The following WNK3 variants were observed in gnomAD, a reference collection of about 807,000 sequenced individuals.
The protein encoded by WNK3 is serine/threonine-protein kinase WNK3.
WNK3 carries 18 observed loss-of-function variants against 116.7 expected under a neutral mutation model. That is an observed-to-expected ratio of 0.15 (90% confidence interval 0.11 to 0.23). The LOEUF (loss-of-function observed/expected upper bound fraction) is 0.23. Among genes scored for constraint, WNK3 ranks in the 10% least tolerant of loss-of-function variants. WNK3 has a pLI of 1.00. For synonymous variants in WNK3, 404 were observed against 469.4 expected, an observed-to-expected ratio of 0.86 and a Z score of 1.80; for missense variants, 993 against 1,323.8, an observed-to-expected ratio of 0.75 and a Z score of 3.88.
intron 22 of WNK3, among the ~76,000 whole-genome samples, chrX:54,217,053 C>G (rs1557145497): frequency 1.8e-5 from 2 of 110,912 alleles, no homozygotes; most frequent in Admixed American, 9.6e-5. Context: ...GGCACGGTGG[C>G]TCACGCCTGT....
intron 17 of WNK3, among the ~76,000 whole-genome samples, chrX:54,247,068 A>T (rs1240035643): frequency 8.9e-6 from 1 of 111,886 alleles, no homozygotes; most frequent in Non-Finnish European, 1.9e-5. Context: ...AAGAATACCA[A>T]ATAGGATACT....
chrX:54,283,401 C>T (rs1201725356), intron 10 of WNK3, among the ~76,000 whole-genome samples: 1 of 111,994 alleles, frequency 8.9e-6, no homozygotes, highest in Admixed American at 9.5e-5. Flanking sequence ...TGCTCAACAT[C>T]ATTAGTCTTC....
chrX:54,315,926 A>G (rs1166407245), intron 2 of WNK3, among the ~76,000 whole-genome samples: 1 of 110,709 alleles, frequency 9.0e-6, no homozygotes, highest in African/African-American at 3.3e-5. Flanking sequence ...TTTGCTCCTT[A>G]TTCTCCTAGA....
At chrX:54,285,077 T>G (rs1455370766) in intron 10 of WNK3, among the ~76,000 whole-genome samples, 2 of 111,431 alleles carry the variant, frequency 1.8e-5, no homozygotes, top group Admixed American at 9.6e-5. Context: ...ATTGTTCCAT[T>G]TATATGAAGG....
chrX:54,316,776 A>G (rs1352692235), intron 2 of WNK3, among the ~76,000 whole-genome samples: 1 of 110,947 alleles, frequency 9.0e-6, no homozygotes, highest in Non-Finnish European at 1.9e-5. Flanking sequence ...ATCTAAGTAA[A>G]TAAATATATA....
intron 1 of WNK3, among the ~76,000 whole-genome samples, chrX:54,336,870 C>T (rs1450252797): frequency 9.0e-6 from 1 of 111,040 alleles, no homozygotes; most frequent in Non-Finnish European, 1.9e-5. Context: ...CAAAAATTTG[C>T]CAACCAGATG....
chrX:54,292,817 T>C, intron 10 of WNK3, 71 bp downstream of exon 10: 2 of 1,056,581 alleles, frequency 1.9e-6, no homozygotes, highest in Non-Finnish European at 2.6e-6. Context: ...AAGAGAACTT[T>C]TGCCTGTCAG....
rs184005262 is a variant in WNK3, at chrX:54,252,932, C to A, written c.2367+1027G>T. 3.9e-4 allele frequency among the ~76,000 whole-genome samples: 42 copies of A among 108,604 alleles called. No homozygotes were observed. The Admixed American group carries it at 4.1e-3, about 11-fold the overall frequency. The allele number at this position is 108,604 out of a possible 115,157, so 94.3% of individuals were successfully genotyped here. On this transcript the variant is annotated intron_variant, in intron 13 of 23. Transcript: ENST00000354646. ...AAAAAAGGGGAAGATGGAAAAGTAA[C>A]CTAGAAAATAATAAAAAAAAATAAT...
intron 7 of WNK3, among the ~76,000 whole-genome samples, chrX:54,296,148 G>A (rs782421423): frequency 8.9e-5 from 10 of 111,922 alleles, no homozygotes; most frequent in Non-Finnish European, 1.9e-4. Flanking sequence ...AGTGAGAGAA[G>A]AAAAGGTTCT....
intron 12 of WNK3, 23 bp downstream of exon 12, chrX:54,255,717 C>T: frequency 8.3e-7 from 1 of 1,201,327 alleles, no homozygotes; most frequent in East Asian, 3.0e-5. Context: ...GTACTCTTAA[C>T]CAAACCATAT....
chrX:54,338,574 TC>T lies in WNK3; in HGVS notation c.-119-4783del, dbSNP rs200025568. Among the ~76,000 whole-genome samples the T allele has an allele frequency of 7.5e-4, 82 of 108,674 alleles. 1 individual carries two copies. In the East Asian group the frequency reaches 0.022, roughly 30 times the overall value. The allele number at this position is 108,674 out of a possible 115,157, so 94.4% of individuals were successfully genotyped here. On this transcript the variant is annotated intron_variant, in intron 1 of 23. Coordinates refer to ENST00000354646, the Ensembl canonical transcript of WNK3. The stretch of plus-strand genomic sequence containing the variant: ...CTGGGTGACAGAGTGAGACTCTGTC[TC>T]AAAAAAAATTAATTAATTAAAATAA...
At chrX:54,222,929 TATATATATATAA>T (rs1557146918) in intron 22 of WNK3, among the ~76,000 whole-genome samples, 2 of 95,204 alleles carry the variant, frequency 2.1e-5, no homozygotes, top group African/African-American at 8.2e-5. Flanking sequence ...TATATATATA[TATATATATATAA>T]AAAAAGACAC....
At position 54,338,685 on chromosome X, in the gene WNK3, T is replaced by G. The variant is rs188577096; in HGVS notation, c.-119-4893A>C. Among the ~76,000 whole-genome samples, 386 of 110,159 alleles carry G rather than the reference T, an allele frequency of 3.5e-3. 2 individuals carry two copies. The highest frequency in any genetic ancestry group is 0.012 in the African/African-American group (359 of 30,297). On this transcript the variant is annotated intron_variant, in intron 1 of 23. Coordinates refer to ENST00000354646, the Ensembl canonical transcript of WNK3. Reference sequence around the variant, plus strand: ...GCTCTGGTATAATAATTCTAACACCTGGCTTCCCAAAGTATAGGATAAGAA... The same window carrying G: ...GCTCTGGTATAATAATTCTAACACCGGGCTTCCCAAAGTATAGGATAAGAA...
At chrX:54,224,595 A>T (rs1188674937) in intron 22 of WNK3, among the ~76,000 whole-genome samples, 2 of 105,176 alleles carry the variant, frequency 1.9e-5, no homozygotes, top group African/African-American at 7.5e-5. Flanking sequence ...TTTGAGATGG[A>T]GTCTCGCTCT....
chrX:54,353,799 T>C (rs1270531091), intron 1 of WNK3, among the ~76,000 whole-genome samples: 1 of 109,233 alleles, frequency 9.2e-6, no homozygotes, highest in Non-Finnish European at 1.9e-5. Flanking sequence ...CTTCATTTCT[T>C]TCAGCCAGGC....
chrX:54,332,843 TGA>T (rs1361863997), intron 2 of WNK3, among the ~76,000 whole-genome samples: 1 of 98,786 alleles, frequency 1.0e-5, no homozygotes, highest in Non-Finnish European at 2.0e-5. Flanking sequence ...CCAGCCTGGG[TGA>T]CAGATCAAGA....
In WNK3 at chrX:54,257,813, AAAAG is replaced by A. The variant is rs1484197289; in HGVS notation, c.2102+1457_2102+1460del. On this transcript the variant is annotated intron_variant, in intron 11 of 23. Coordinates refer to ENST00000354646, the Ensembl canonical transcript of WNK3. ...TCAAAAAAAAAAAAAAAAAAAAAAA[AAAAG>A]ACTTAAATAGGATCTACAGTCACCT... 9.6e-5 allele frequency among the ~76,000 whole-genome samples: 10 copies of A among 103,664 alleles called. No individual in the cohort carries two copies. In the Admixed American group the frequency reaches 9.8e-4, roughly 10 times the overall value. 90.0% of individuals were successfully genotyped at this position (103,664 alleles called of 115,157 possible). A position where few individuals can be genotyped will look rare whatever the true frequency, so the allele number is the denominator to read the frequency against.
At chrX:54,333,718 A>C in exon 2 of WNK3, 1 of 1,029,804 alleles carries the variant, frequency 9.7e-7, no homozygotes, top group Non-Finnish European at 1.3e-6. Context: ...TCTACTCTTC[A>C]GTCCAGTTAC....
intron 13 of WNK3, among the ~76,000 whole-genome samples, chrX:54,253,361 G>A (rs2068156939): frequency 9.0e-6 from 1 of 111,090 alleles, no homozygotes; most frequent in African/African-American, 3.3e-5. Flanking sequence ...AATCTCCTGG[G>A]CTCAAGCAAT....
Sources: allele counts gnomAD v4.1 joint callset (sites outside exome capture counted in the v4.1 genomes callset), GRCh38; gene constraint gnomAD v4.1.1; transcripts MANE v1.5; gene names NCBI Gene and HGNC (gene_info 2026-07-23, HGNC 2026-07-21).